Variants in TMEM100 observed in about 807,000 individuals in gnomAD.
TMEM100 encodes transmembrane protein 100.
For synonymous variants in TMEM100, 61 were observed against 67.1 expected (o/e 0.91, Z 0.44); for missense variants, 137 against 168.2 (o/e 0.81, Z 1.02).
At position 55,720,051 on chromosome 17, in the gene TMEM100, G is replaced by A. The variant is rs1204965686; in HGVS notation, c.*615C>T. The A allele has an allele frequency of 6.6e-6, 1 of 152,530 alleles. No individual in the cohort carries two copies. Among genetic ancestry groups the A allele is most frequent in the Non-Finnish European group, 1.5e-5 (1 of 68,040 alleles). The allele number at this position is 152,530 out of a possible 1,614,324, so 9.4% of individuals were successfully genotyped here. On this transcript the variant is annotated 3_prime_UTR_variant, in exon 2 of 2. Coordinates refer to ENST00000424486, the MANE Select transcript of TMEM100 (RefSeq NM_018286.3). ...AGCATCTATTAGCTATAACTTTAAT[G>A]GGTTTTTCTTTACTTCTGATACATC...
chr17:55,723,211 C>T (rs9910256), upstream of TMEM100, among the ~76,000 whole-genome samples: 1,244 of 152,168 alleles, frequency 8.2e-3, 14 homozygotes, highest in African/African-American at 0.028. Context: ...GGGACAGAGC[C>T]GAGGGGACAG....
chr17:55,730,581 G>T (rs1346005765), intron 1 of TMEM100, among the ~76,000 whole-genome samples: 2 of 152,034 alleles, frequency 1.3e-5, no homozygotes, highest in African/African-American at 4.8e-5. Flanking sequence ...GTTTTAAAAT[G>T]ATTGCTTCAC....
intron 1 of TMEM100, among the ~76,000 whole-genome samples, chr17:55,730,543 G>A (rs886540998): frequency 2.6e-5 from 4 of 152,056 alleles, no homozygotes; most frequent in Admixed American, 2.6e-4. Flanking sequence ...CTCATAAGGA[G>A]TAAACTTGCC....
rs2144859850 is a variant in TMEM100, at chr17:55,720,325, G to C, written c.*341C>G. 1 of 230,610 alleles carries C rather than the reference G, an allele frequency of 4.3e-6. No homozygotes were observed. Among genetic ancestry groups the C allele is most frequent in the East Asian group, 9.0e-5 (1 of 11,144 alleles). The allele number at this position is 230,610 out of a possible 1,614,324, so 14.3% of individuals were successfully genotyped here. ...TATTTCTTTTGGAGGCAAATGTCTA[G>C]TGTGCCAGGCCTATCTTGATTTTTC... On this transcript the variant is annotated 3_prime_UTR_variant, in exon 2 of 2. Transcript: ENST00000424486.
At chr17:55,724,030 T>C (rs140043059), upstream of TMEM100, among the ~76,000 whole-genome samples, 129 of 152,336 alleles carry the variant, frequency 8.5e-4, no homozygotes, top group African/African-American at 2.9e-3. Context: ...GTTAAAAGTT[T>C]ACATCCTCCA....
chr17:55,728,816 G>A (rs1909133679), intron 1 of TMEM100, among the ~76,000 whole-genome samples: 1 of 152,172 alleles, frequency 6.6e-6, no homozygotes, highest in African/African-American at 2.4e-5. Context: ...AGGGGGTAGG[G>A]GGTGGTGGAG....
chr17:55,728,759 G>A (rs925786694), intron 1 of TMEM100, among the ~76,000 whole-genome samples: 5 of 152,200 alleles, frequency 3.3e-5, no homozygotes, highest in Admixed American at 2.6e-4. Flanking sequence ...GGCTGTGGAA[G>A]GCCCAGGGAA....
chr17:55,729,752 T>C (rs1455699184), intron 1 of TMEM100, among the ~76,000 whole-genome samples: 1 of 152,224 alleles, frequency 6.6e-6, no homozygotes, highest in Non-Finnish European at 1.5e-5. Flanking sequence ...TGAGACTTTA[T>C]TTTTACTGAC....
chr17:55,725,948 A>C (rs1270368810), upstream of TMEM100, among the ~76,000 whole-genome samples: 1 of 152,144 alleles, frequency 6.6e-6, no homozygotes, highest in African/African-American at 2.4e-5. Context: ...CTAAGGGAGT[A>C]TGGGGTTGGA....
chr17:55,729,021 G>A (rs913995899), intron 1 of TMEM100, among the ~76,000 whole-genome samples: 2 of 152,216 alleles, frequency 1.3e-5, no homozygotes, highest in South Asian at 4.1e-4. Flanking sequence ...AAATAAGACC[G>A]GAAATAGTTT....
In TMEM100 at chr17:55,720,796, A is replaced by G; in HGVS notation, c.275T>C (p.Val92Ala). ...TAGTAAAAAAAGTCCAGATGACAGA[A>G]CAACCAGGCCAAAGATGGAGATAAT... ...GSIISIFGLV[V>A]LSSGLFLLAS... The change falls in exon 2 of 2, where the codon GTT becomes GCT. Residue 92 changes from valine (V) to alanine (A), a missense_variant. Transcript: ENST00000424486. 2 of 1,614,244 alleles carry G rather than the reference A, an allele frequency of 1.2e-6. No individual in the cohort carries two copies. Among genetic ancestry groups the G allele is most frequent in the Non-Finnish European group, 1.7e-6 (2 of 1,180,048 alleles).
intron 1 of TMEM100, among the ~76,000 whole-genome samples, chr17:55,722,068 G>T (rs904343409): frequency 2.0e-5 from 3 of 152,156 alleles, no homozygotes; most frequent in African/African-American, 7.2e-5. Flanking sequence ...AAAACTTGCT[G>T]CAATGACCCT....
chr17:55,723,791 T>G (rs1908986730), upstream of TMEM100, among the ~76,000 whole-genome samples: 1 of 152,194 alleles, frequency 6.6e-6, no homozygotes, highest in Non-Finnish European at 1.5e-5. Context: ...TTGGCCCACT[T>G]TAAGGATCAA....
intron 1 of TMEM100, among the ~76,000 whole-genome samples, chr17:55,731,383 A>G (rs1372799038): frequency 6.6e-6 from 1 of 152,208 alleles, no homozygotes; most frequent in East Asian, 1.9e-4. Flanking sequence ...TTAGCCATTA[A>G]CTGAAAGTCG....
rs1908877875 is a variant in TMEM100 at position 55,721,261 on chromosome 17, T to C, written c.-65-126A>G. The C allele has an allele frequency of 2.2e-5, 13 of 598,422 alleles. No homozygotes were observed. In the Admixed American group the frequency reaches 4.4e-4, roughly 20 times the overall value. 37.1% of individuals were successfully genotyped at this position (598,422 alleles called of 1,614,324 possible). A position where few individuals can be genotyped will look rare whatever the true frequency, so the allele number is the denominator to read the frequency against. On this transcript the variant is annotated intron_variant, in intron 1 of 1. Coordinates refer to ENST00000424486, the MANE Select transcript of TMEM100 (RefSeq NM_018286.3). ...ATCCATGTGAAAAGCAACTTTACTC[T>C]TTTTTTGAATTGGTTGCATTCTCTT...
chr17:55,719,820 G>T lies in TMEM100; in HGVS notation c.*846C>A, dbSNP rs1908802745. On this transcript the variant is annotated 3_prime_UTR_variant, in exon 2 of 2. Transcript: ENST00000424486. The stretch of plus-strand genomic sequence containing the variant: ...AAAGAAGGAACCTGTCCATTTGAGA[G>T]AAATACAATTGAGAACTTGCAAATG... 1 of 152,584 alleles carries T rather than the reference G, an allele frequency of 6.6e-6. No individual in the cohort carries two copies. The highest frequency in any genetic ancestry group is 2.4e-5 in the African/African-American group (1 of 41,440). 9.5% of individuals were successfully genotyped at this position (152,584 alleles called of 1,614,324 possible). A position where few individuals can be genotyped will look rare whatever the true frequency, so the allele number is the denominator to read the frequency against.
chr17:55,729,726 T>A (rs1001393538), intron 1 of TMEM100, among the ~76,000 whole-genome samples: 6 of 151,812 alleles, frequency 4.0e-5, no homozygotes, highest in South Asian at 2.1e-4. Context: ...ATAAAAAAAA[T>A]TTAAGTATTC....
chr17:55,720,399 C>T lies in TMEM100; in HGVS notation c.*267G>A, dbSNP rs990753513. 1.1e-5 allele frequency: 5 copies of T among 473,380 alleles called. No individual in the cohort carries two copies. Among genetic ancestry groups the T allele is most frequent in the Non-Finnish European group, 1.9e-5 (5 of 268,674 alleles). 29.3% of individuals were successfully genotyped at this position (473,380 alleles called of 1,614,324 possible). A position where few individuals can be genotyped will look rare whatever the true frequency, so the allele number is the denominator to read the frequency against. Reference sequence around the variant, plus strand: ...AGGGTGAACCAAATACTGTCTAATGCTGTGCACTCCCATGACCCCCAAAGT... The same window carrying T: ...AGGGTGAACCAAATACTGTCTAATGTTGTGCACTCCCATGACCCCCAAAGT... On this transcript the variant is annotated 3_prime_UTR_variant, in exon 2 of 2. Coordinates refer to ENST00000424486, the MANE Select transcript of TMEM100 (RefSeq NM_018286.3).
intron 1 of TMEM100, chr17:55,721,944 A>C (rs1908904251): frequency 6.6e-6 from 1 of 152,234 alleles, no homozygotes; most frequent in Admixed American, 6.5e-5. Context: ...ATTTTCTATT[A>C]AGCTCAACAC....
Sources: allele counts gnomAD v4.1 joint callset (sites outside exome capture counted in the v4.1 genomes callset), GRCh38; gene constraint gnomAD v4.1.1; transcripts MANE v1.5; gene names NCBI Gene and HGNC (gene_info 2026-07-23, HGNC 2026-07-21).